ELOVL6: variants seen among roughly 807,000 people sequenced by gnomAD.
The protein encoded by ELOVL6 is ELOVL fatty acid elongase 6.
A neutral mutation model predicts 31.7 loss-of-function variants in ELOVL6; 8 were observed. The ratio of observed to expected loss-of-function variants is 0.25; its 90% CI spans 0.15 to 0.45. The LOEUF (loss-of-function observed/expected upper bound fraction) is 0.45, where lower values mean the gene tolerates loss of function less well. ELOVL6 is among the 20% of genes least tolerant of loss of function. ELOVL6 has a pLI of 1.00. For synonymous variants in ELOVL6, 101 were observed against 117.7 expected (o/e 0.86, Z 0.92); for missense variants, 126 against 326.4 (o/e 0.39, Z 4.73).
chr4:110,086,521 G>A (rs1756268936), intron 2 of ELOVL6, among the ~76,000 whole-genome samples: 2 of 152,158 alleles, frequency 1.3e-5, no homozygotes, highest in Admixed American at 1.3e-4. Flanking sequence ...TAGTGTGTTA[G>A]TAGGAAATAG....
intron 1 of ELOVL6, among the ~76,000 whole-genome samples, chr4:110,121,079 G>A (rs1757345667): frequency 1.3e-5 from 2 of 152,132 alleles, no homozygotes; most frequent in South Asian, 4.1e-4. Context: ...GAGATTACAG[G>A]CCTGAGCCTG....
chr4:110,131,847 A>C (rs779868068), intron 1 of ELOVL6, among the ~76,000 whole-genome samples: 18 of 152,322 alleles, frequency 1.2e-4, no homozygotes, highest in Non-Finnish European at 2.5e-4. Context: ...ACAAAAATCT[A>C]TAATGCACTC....
At chr4:110,181,832 T>C (rs111794429) in intron 1 of ELOVL6, among the ~76,000 whole-genome samples, 2 of 152,166 alleles carry the variant, frequency 1.3e-5, no homozygotes, top group African/African-American at 4.8e-5. Context: ...AGATCACACA[T>C]ACCAGGCTCT....
chr4:110,058,775 G>A (rs1755063655), intron 3 of ELOVL6, among the ~76,000 whole-genome samples: 2 of 151,808 alleles, frequency 1.3e-5, no homozygotes, highest in South Asian at 4.2e-4. Flanking sequence ...TTAATTGCAG[G>A]TGAAAAAAAA....
chr4:110,132,123 G>A (rs1016713479), intron 1 of ELOVL6, among the ~76,000 whole-genome samples: 3 of 152,128 alleles, frequency 2.0e-5, no homozygotes, highest in Admixed American at 6.5e-5. Context: ...TTTTATGCTC[G>A]AATGGGGCTA....
intron 1 of ELOVL6, among the ~76,000 whole-genome samples, chr4:110,128,041 C>CAA (rs372209158): frequency 3.3e-5 from 4 of 119,732 alleles, no homozygotes; most frequent in Non-Finnish European, 5.3e-5. Flanking sequence ...GATCCTGTCT[C>CAA]AAAAAAAAAA....
At chr4:110,110,019 A>C (rs1449676333) in intron 1 of ELOVL6, among the ~76,000 whole-genome samples, 1 of 152,198 alleles carries the variant, frequency 6.6e-6, no homozygotes, top group Non-Finnish European at 1.5e-5. Context: ...GTGCAGAGAA[A>C]GTTTTCATGT....
chr4:110,075,015 C>A (rs10024683), intron 2 of ELOVL6, among the ~76,000 whole-genome samples: 90,823 of 152,066 alleles, frequency 0.6, 29,782 homozygotes, highest in African/African-American at 0.88. Flanking sequence ...AATAATGAAT[C>A]AAAAGCATAT....
chr4:110,168,690 C>T (rs138888768), intron 1 of ELOVL6, among the ~76,000 whole-genome samples: 59 of 152,190 alleles, frequency 3.9e-4, no homozygotes, highest in Non-Finnish European at 6.6e-4. Context: ...TAGGTGCTGA[C>T]GTCATAAGCC....
At chr4:110,180,438 G>T (rs150059175) in intron 1 of ELOVL6, among the ~76,000 whole-genome samples, 34 of 152,282 alleles carry the variant, frequency 2.2e-4, no homozygotes, top group African/African-American at 7.7e-4. Context: ...TACTGGAGTG[G>T]AGTAGTACAA....
chr4:110,101,847 G>A (rs1377488404), intron 2 of ELOVL6, among the ~76,000 whole-genome samples: 2 of 151,956 alleles, frequency 1.3e-5, no homozygotes, highest in Non-Finnish European at 1.5e-5. Flanking sequence ...GCTAATTTTT[G>A]TACTTTTTGT....
intron 2 of ELOVL6, among the ~76,000 whole-genome samples, chr4:110,073,172 T>C (rs944199354): frequency 3.3e-5 from 5 of 152,200 alleles, no homozygotes; most frequent in Non-Finnish European, 7.3e-5. Flanking sequence ...ATGAGAAATC[T>C]ATGTATACCT....
At chr4:110,184,956 G>A (rs1335514587) in intron 1 of ELOVL6, among the ~76,000 whole-genome samples, 1 of 152,200 alleles carries the variant, frequency 6.6e-6, no homozygotes, top group Admixed American at 6.5e-5. Context: ...CCCCTCCACA[G>A]ATCTGCTAAA....
At chr4:110,141,968 T>C (rs979342057) in intron 1 of ELOVL6, among the ~76,000 whole-genome samples, 1 of 149,476 alleles carries the variant, frequency 6.7e-6, no homozygotes, top group Non-Finnish European at 1.5e-5. Context: ...GCTGCCACAC[T>C]CATCTTCTAC....
chr4:110,069,166 AT>A (rs1341222922), intron 2 of ELOVL6, among the ~76,000 whole-genome samples: 1 of 142,200 alleles, frequency 7.0e-6, no homozygotes. Context: ...AATAATAATA[AT>A]AATAGGGACA....
intron 2 of ELOVL6, among the ~76,000 whole-genome samples, chr4:110,075,427 C>G (rs1421114826): frequency 6.6e-6 from 1 of 152,130 alleles, no homozygotes; most frequent in Admixed American, 6.5e-5. Context: ...TGAAATATTA[C>G]TAAGCCTTGA....
chr4:110,084,525 TACACTTACACAC>T lies in ELOVL6; in HGVS notation c.221+20960_221+20971del, dbSNP rs1178639256. 7.9e-4 allele frequency among the ~76,000 whole-genome samples: 72 copies of T among 90,612 alleles called. 1 individual carries two copies. The highest frequency in any genetic ancestry group is 6.3e-3 in the Middle Eastern group (1 of 160). The allele number at this position is 90,612 out of a possible 152,430, so 59.4% of individuals were successfully genotyped here. ...ATATCATATATGTGTATACATTATATACACTTACACACACACACACACACACACACACACACA... is the reference window on the plus strand; with the variant it reads ...ATATCATATATGTGTATACATTATATACACACACACACACACACACACACA... On this transcript the variant is annotated intron_variant, in intron 2 of 3. Transcript: ENST00000302274.
chr4:110,052,060 G>A (rs17041277), intron 3 of ELOVL6, among the ~76,000 whole-genome samples: 9,811 of 152,202 alleles, frequency 0.064, 1,013 homozygotes, highest in African/African-American at 0.22. Context: ...AGCAGCAAAT[G>A]TTTCTTTCAA....
At chr4:110,154,348 C>T (rs1758358071) in intron 1 of ELOVL6, among the ~76,000 whole-genome samples, 1 of 152,142 alleles carries the variant, frequency 6.6e-6, no homozygotes, top group Admixed American at 6.5e-5. Context: ...CTCCGCCTCC[C>T]AGGTTCAGGT....
Sources: allele counts gnomAD v4.1 joint callset (sites outside exome capture counted in the v4.1 genomes callset), GRCh38; gene constraint gnomAD v4.1.1; transcripts MANE v1.5; gene names NCBI Gene and HGNC (gene_info 2026-07-23, HGNC 2026-07-21).